HS3ST4: variants seen among roughly 807,000 people sequenced by gnomAD.
HS3ST4 encodes the protein heparan sulfate glucosamine 3-O-sulfotransferase 4.
A neutral mutation model predicts 29.2 loss-of-function variants in HS3ST4; 17 were observed. That is an observed-to-expected ratio of 0.58 (90% CI 0.40 to 0.87). The LOEUF (loss-of-function observed/expected upper bound fraction) is 0.87. HS3ST4 is among the 40% of genes least tolerant of loss of function. The pLI, the probability that HS3ST4 is intolerant of heterozygous loss-of-function variation, is 0.00. For missense variants in HS3ST4, 627 were observed against 634.5 expected (o/e 0.99, Z 0.13); for synonymous variants, 314 against 285.7 (o/e 1.10, Z -1.00).
intron 1 of HS3ST4, among the ~76,000 whole-genome samples, chr16:25,773,791 C>T (rs555207701): frequency 6.6e-6 from 1 of 152,316 alleles, no homozygotes; most frequent in South Asian, 2.1e-4. Context: ...TCATTCTTCA[C>T]CCCCTGCCAT....
intron 1 of HS3ST4, among the ~76,000 whole-genome samples, chr16:25,907,687 C>G (rs1968193014): frequency 6.6e-6 from 1 of 152,142 alleles, no homozygotes; most frequent in South Asian, 2.1e-4. Context: ...AGGATTGTTC[C>G]TTCGGCACCC....
At chr16:25,772,376 T>C (rs1191541471) in intron 1 of HS3ST4, among the ~76,000 whole-genome samples, 1 of 152,248 alleles carries the variant, frequency 6.6e-6, no homozygotes. Context: ...GGTTATGTTT[T>C]GGAGTCAACT....
intron 1 of HS3ST4, among the ~76,000 whole-genome samples, chr16:25,767,424 G>C (rs1596564917): frequency 6.6e-6 from 1 of 152,188 alleles, no homozygotes. Context: ...TGTCTCCTCG[G>C]GGGGTGGCTG....
chr16:25,975,653 C>T (rs970991716), intron 1 of HS3ST4, among the ~76,000 whole-genome samples: 7 of 152,156 alleles, frequency 4.6e-5, no homozygotes, highest in African/African-American at 1.7e-4. Flanking sequence ...TAGAATATTG[C>T]AGTTGCCTCT....
chr16:26,117,083 T>C (rs1282345568), intron 1 of HS3ST4, among the ~76,000 whole-genome samples: 1 of 152,182 alleles, frequency 6.6e-6, no homozygotes, highest in Non-Finnish European at 1.5e-5. Context: ...TAAAATCCCC[T>C]GGAGAGCTTT....
At chr16:25,749,009 A>G (rs1385631741) in intron 1 of HS3ST4, among the ~76,000 whole-genome samples, 1 of 152,200 alleles carries the variant, frequency 6.6e-6, no homozygotes, top group Non-Finnish European at 1.5e-5. Context: ...GAGTTCGCCT[A>G]TAGATGCTAA....
chr16:26,084,544 T>A (rs1365586915), intron 1 of HS3ST4, among the ~76,000 whole-genome samples: 2 of 152,190 alleles, frequency 1.3e-5, no homozygotes, highest in Non-Finnish European at 2.9e-5. Flanking sequence ...ATCTGAACAG[T>A]GATCATGCGT....
At position 25,829,553 on chromosome 16, in the gene HS3ST4, C is replaced by T. The variant is rs542333064; in HGVS notation, c.734+136402C>T. On this transcript the variant is annotated intron_variant, in intron 1 of 1. Transcript: ENST00000331351. ...ACACTGAATGCATTAGTTATTTGTC[C>T]TAATGCTCTCCCTCCCCTTGCCCCG... 2.0e-5 allele frequency among the ~76,000 whole-genome samples: 3 copies of T among 152,232 alleles called. No individual in the cohort carries two copies. The East Asian group carries it at 5.8e-4, about 29-fold the overall frequency.
intron 1 of HS3ST4, among the ~76,000 whole-genome samples, chr16:25,693,491 G>T (rs147823235): frequency 6.6e-6 from 1 of 152,174 alleles, no homozygotes; most frequent in African/African-American, 2.4e-5. Context: ...AGGCTCTTGC[G>T]GGGTTCTGGG....
At chr16:26,123,938 C>CTT (rs35745665) in intron 1 of HS3ST4, among the ~76,000 whole-genome samples, 9 of 146,316 alleles carry the variant, frequency 6.2e-5, no homozygotes, top group African/African-American at 2.2e-4. Context: ...TGTTTTGAGA[C>CTT]TTTTTTTTTT....
chr16:26,061,095 G>C (rs888066007), intron 1 of HS3ST4, among the ~76,000 whole-genome samples: 1 of 152,166 alleles, frequency 6.6e-6, no homozygotes, highest in African/African-American at 2.4e-5. Flanking sequence ...ATGGCAAAAC[G>C]CACACACATC....
chr16:25,968,363 G>A (rs1277169287), intron 1 of HS3ST4, among the ~76,000 whole-genome samples: 1 of 152,118 alleles, frequency 6.6e-6, no homozygotes, highest in East Asian at 1.9e-4. Flanking sequence ...AGGACCTCTG[G>A]AAACCCAACT....
At chr16:25,982,516 A>G (rs77977197) in intron 1 of HS3ST4, among the ~76,000 whole-genome samples, 6 of 152,320 alleles carry the variant, frequency 3.9e-5, no homozygotes, top group South Asian at 4.1e-4. Flanking sequence ...AGAACAGACC[A>G]TGGTGCTTCC....
intron 1 of HS3ST4, among the ~76,000 whole-genome samples, chr16:26,042,354 C>CTGTGTG (rs71732983): frequency 2.3e-4 from 34 of 148,546 alleles, no homozygotes; most frequent in East Asian, 4.0e-4. Flanking sequence ...GCATTTATCT[C>CTGTGTG]TGTGTGTGTG....
At position 25,988,876 on chromosome 16, in the gene HS3ST4, AC is replaced by A. The variant is rs371387038; in HGVS notation, c.735-146735del. Among the ~76,000 whole-genome samples, 112 of 152,262 alleles carry A rather than the reference AC, an allele frequency of 7.4e-4. No homozygotes were observed. In the South Asian group the frequency reaches 0.021, roughly 28 times the overall value. ...TGAACTTAATAAAAGTAAAAAAAAA[AC>A]AAAACTCAAAAAAAAATTTAAAAAT... On this transcript the variant is annotated intron_variant, in intron 1 of 1. Coordinates refer to ENST00000331351, the MANE Select transcript of HS3ST4 (RefSeq NM_006040.3).
chr16:25,742,240 G>A (rs1966659268), intron 1 of HS3ST4, among the ~76,000 whole-genome samples: 1 of 152,154 alleles, frequency 6.6e-6, no homozygotes. Flanking sequence ...TTATGGACAA[G>A]CCCTCTTCAC....
At chr16:25,992,963 G>T (rs535332871) in intron 1 of HS3ST4, among the ~76,000 whole-genome samples, 2 of 152,178 alleles carry the variant, frequency 1.3e-5, no homozygotes, top group African/African-American at 4.8e-5. Context: ...CCTTGCTTGC[G>T]TTAGGGGGCC....
intron 1 of HS3ST4, among the ~76,000 whole-genome samples, chr16:25,975,630 A>G (rs1013892177): frequency 1.3e-5 from 2 of 152,152 alleles, no homozygotes; most frequent in African/African-American, 4.8e-5. Context: ...CTGAGCCAGC[A>G]TCATTTCTTG....
chr16:25,699,115 C>T (rs1966318143), intron 1 of HS3ST4, among the ~76,000 whole-genome samples: 1 of 152,232 alleles, frequency 6.6e-6, no homozygotes. Context: ...CAAAATACAT[C>T]TGTGGGCTGG....
Sources: allele counts gnomAD v4.1 joint callset (sites outside exome capture counted in the v4.1 genomes callset), GRCh38; gene constraint gnomAD v4.1.1; transcripts MANE v1.5; gene names NCBI Gene and HGNC (gene_info 2026-07-23, HGNC 2026-07-21).